Variants in CDH5 observed in about 807,000 individuals in gnomAD.
CDH5 encodes the protein cadherin 5, also known as cadherin-5.
CDH5 carries 28 observed loss-of-function variants against 62.0 expected under a neutral mutation model. That is an observed-to-expected ratio of 0.45 (90% CI 0.33 to 0.62). The LOEUF is 0.62. Among genes scored for constraint, CDH5 ranks in the 20% least tolerant of loss-of-function variants. CDH5 has a pLI of 0.02. For synonymous variants in CDH5, 464 were observed against 445.8 expected, an observed-to-expected ratio of 1.04 and a Z score of -0.52; for missense variants, 940 against 1,065.1, an observed-to-expected ratio of 0.88 and a Z score of 1.63.
intron 7 of CDH5, among the ~76,000 whole-genome samples, chr16:66,394,873 C>A (rs1961149021): frequency 6.6e-6 from 1 of 150,492 alleles, no homozygotes; most frequent in African/African-American, 2.4e-5. Context: ...GTGGGGGGGA[C>A]AGGTTCTTCC....
Position 66,392,584 on chromosome 16 carries a change from G to T in CDH5, c.1217+201G>T, listed in dbSNP as rs566331642. The T allele has an allele frequency of 1.9e-3, 1,215 of 633,148 alleles. 3 individuals carry two copies. Among genetic ancestry groups the T allele is most frequent in the Non-Finnish European group, 2.0e-3 (729 of 372,418 alleles). The allele number at this position is 633,148 out of a possible 1,614,324, so 39.2% of individuals were successfully genotyped here. A position where few individuals can be genotyped will look rare whatever the true frequency, so the allele number is the denominator to read the frequency against. On this transcript the variant is annotated intron_variant, in intron 7 of 11. Transcript: ENST00000341529. ...TGACCTGCCTGGACTCCCCCACCTA[G>T]CATGGTCCTGGGCATCCAGAGCTAC... is the stretch of plus-strand genomic sequence containing the variant.
chr16:66,370,231 C>G (rs1003720824), intron 1 of CDH5, among the ~76,000 whole-genome samples: 39 of 152,242 alleles, frequency 2.6e-4, no homozygotes, highest in African/African-American at 7.7e-4. Context: ...AACTCCTGAC[C>G]TCAGGTGATC....
chr16:66,381,464 T>C (rs1036677539), intron 2 of CDH5, among the ~76,000 whole-genome samples: 1 of 152,228 alleles, frequency 6.6e-6, no homozygotes, highest in African/African-American at 2.4e-5. Flanking sequence ...GTAGTGGAAT[T>C]TCACACACAA....
chr16:66,368,382 G>GGGGA (rs1245788579), intron 1 of CDH5, among the ~76,000 whole-genome samples: 2 of 152,174 alleles, frequency 1.3e-5, no homozygotes, highest in East Asian at 3.9e-4. Flanking sequence ...GTGAGGGGTA[G>GGGGA]GGGAGGTGTA....
chr16:66,367,044 C>G (rs1235682079), intron 1 of CDH5, among the ~76,000 whole-genome samples: 2 of 152,238 alleles, frequency 1.3e-5, no homozygotes, highest in Non-Finnish European at 2.9e-5. Flanking sequence ...GGCCCACTGG[C>G]CTTCATCAGT....
chr16:66,372,433 G>T (rs778668227), intron 1 of CDH5, among the ~76,000 whole-genome samples: 11 of 152,238 alleles, frequency 7.2e-5, no homozygotes, highest in South Asian at 4.1e-4. Context: ...GCACGGGCAG[G>T]GAGGATGCAA....
chr16:66,400,137 G>T (rs977587870), intron 10 of CDH5, among the ~76,000 whole-genome samples: 2 of 152,202 alleles, frequency 1.3e-5, no homozygotes, highest in Non-Finnish European at 2.9e-5. Context: ...AAGCTCCCTG[G>T]GGGATTCTTG....
Position 66,390,520 on chromosome 16 carries a change from G to T in CDH5, c.899G>T (p.Gly300Val), listed in dbSNP as rs747085004. Residue 300 changes from glycine to valine, a missense_variant, in exon 6 of 12, where the codon GGC becomes GTC. Physicochemically the swap from Gly to Val is moderately radical, Grantham distance 109. Coordinates refer to ENST00000341529, the MANE Select transcript of CDH5 (RefSeq NM_001795.5). ...NRMTKYSILRGDYQDAFTIET... is the reference protein window; with the variant it reads ...NRMTKYSILRVDYQDAFTIET... Reference sequence around the variant, plus strand: ...ATGACCAAGTACAGCATCTTGCGGGGCGACTACCAGGACGCTTTCACCATT... The same window carrying T: ...ATGACCAAGTACAGCATCTTGCGGGTCGACTACCAGGACGCTTTCACCATT... The T allele has an allele frequency of 3.7e-6, 6 of 1,614,128 alleles. No homozygotes were observed. The highest frequency in any genetic ancestry group is 5.1e-6 in the Non-Finnish European group (6 of 1,180,022).
intron 1 of CDH5, among the ~76,000 whole-genome samples, chr16:66,371,482 A>G (rs1169488035): frequency 6.6e-6 from 1 of 152,120 alleles, no homozygotes; most frequent in African/African-American, 2.4e-5. Flanking sequence ...GCTGGGGGTC[A>G]GGGAGGAGAG....
chr16:66,378,070 C>T (rs1184983996), intron 1 of CDH5, among the ~76,000 whole-genome samples: 2 of 152,208 alleles, frequency 1.3e-5, no homozygotes, highest in Admixed American at 6.5e-5. Context: ...CACCACCCCA[C>T]CCACCCCTGC....
At chr16:66,394,970 C>T (rs1004507025) in intron 7 of CDH5, among the ~76,000 whole-genome samples, 4 of 142,760 alleles carry the variant, frequency 2.8e-5, no homozygotes, top group Admixed American at 7.6e-5. Context: ...CCCACCTCAG[C>T]CTCTGAGTAT....
intron 7 of CDH5, chr16:66,392,708 G>A (rs1264245247): frequency 1.7e-5 from 5 of 296,746 alleles, no homozygotes; most frequent in African/African-American, 4.2e-5. Context: ...CCAATCAGAC[G>A]ACACACCAGA....
Position 66,390,408 on chromosome 16 carries a change from T to A in CDH5, c.787T>A (p.Tyr263Asn). The change falls in exon 6 of 12, where the codon TAC becomes AAC. Residue 263 changes from tyrosine (Y) to asparagine (N), a missense_variant. Tyr to Asn is a moderately radical substitution (Grantham distance 143). Transcript: ENST00000341529. Reference protein sequence around the residue: ...DNFPFFTQTKYTFVVPEDTRV... With the variant: ...DNFPFFTQTKNTFVVPEDTRV... ...GGGTGCTCTGTTTGCATCAGCCAAG[T>A]ACACATTTGTCGTGCCTGAAGACAC... is the stretch of plus-strand genomic sequence containing the variant. 6.2e-7 allele frequency: 1 copy of A among 1,612,790 alleles called. No individual in the cohort carries two copies. The highest frequency in any genetic ancestry group is 8.5e-7 in the Non-Finnish European group (1 of 1,179,120).
intron 3 of CDH5, among the ~76,000 whole-genome samples, chr16:66,387,506 G>T (rs1961007151): frequency 6.6e-6 from 1 of 152,124 alleles, no homozygotes; most frequent in African/African-American, 2.4e-5. Context: ...ATCATGGACT[G>T]AGCCCTGCCC....
chr16:66,390,488 G>A lies in CDH5; in HGVS notation c.867G>A (p.Gln289=). The part of the protein sequence containing the change: ...SLFVEDPDEP[Q]NRMTKYSILR... ...TTGTTGAGGACCCAGATGAGCCCCA[G>A]AACCGGATGACCAAGTACAGCATCT... The change falls in exon 6 of 12, where the codon CAG becomes CAA. Residue 289 remains glutamine, a synonymous_variant. Transcript: ENST00000341529. The A allele has an allele frequency of 6.2e-7, 1 of 1,614,158 alleles. No homozygotes were observed. Among genetic ancestry groups the A allele is most frequent in the East Asian group, 2.2e-5 (1 of 44,876 alleles).
intron 2 of CDH5, among the ~76,000 whole-genome samples, chr16:66,381,756 A>C (rs72786454): frequency 0.11 from 17,455 of 152,194 alleles, 1,119 homozygotes; most frequent in Middle Eastern, 0.22. Flanking sequence ...AATCCAGCCC[A>C]CTGCCTGGAC....
Position 66,379,318 on chromosome 16 carries a change from G to C in CDH5, c.-19-1G>C. On this transcript the variant is annotated splice_acceptor_variant, in intron 1 of 11. Transcript: ENST00000341529. LOFTEE classifies it low-confidence loss of function (5UTR_SPLICE). The stretch of plus-strand genomic sequence containing the variant: ...TCTGAATGTGTCTCCTCTTTCCCCA[G>C]ATCTGTTCCTCCTGGGAAGATGCAG... 6.3e-7 allele frequency: 1 copy of C among 1,593,866 alleles called. No homozygotes were observed. Among genetic ancestry groups the C allele is most frequent in the Non-Finnish European group, 8.6e-7 (1 of 1,165,808 alleles).
chr16:66,395,016 A>ATTT (rs1567467147), intron 7 of CDH5, among the ~76,000 whole-genome samples: 1 of 19,950 alleles, frequency 5.0e-5, no homozygotes. Context: ...CACCAGGCTA[A>ATTT]TCTTTTTTTT....
chr16:66,390,329 G>A, intron 5 of CDH5, 74 bp from the exon 6 acceptor site: 1 of 1,113,968 alleles, frequency 9.0e-7, no homozygotes, highest in Non-Finnish European at 1.3e-6. Flanking sequence ...AAATATGTTA[G>A]AATAGCTGAA....
Sources: gnomAD v4.1 joint callset for allele counts (sites outside exome capture counted in the v4.1 genomes callset) on GRCh38, gnomAD v4.1.1 for gene constraint, MANE v1.5 for transcripts, NCBI Gene and HGNC (gene_info 2026-07-23, HGNC 2026-07-21) for gene names.